Variants in USH2A observed in about 807,000 individuals in gnomAD.
The protein encoded by USH2A is Usher syndrome 2A (autosomal recessive, mild).
In USH2A, 443 loss-of-function variants were observed where a neutral mutation model predicts 538.9. That is an observed-to-expected ratio of 0.82 (90% CI 0.76 to 0.89). The LOEUF is 0.89. Ranked by LOEUF, USH2A falls within the 40% of genes least tolerant of loss-of-function variation. The pLI, the probability that USH2A is intolerant of heterozygous loss-of-function variation, is 0.00. For synonymous variants in USH2A, 2,413 were observed against 2,273.5 expected, an observed-to-expected ratio of 1.06 and a Z score of -1.75; for missense variants, 6,633 against 6,324.8, an observed-to-expected ratio of 1.05 and a Z score of -1.65.
chr1:215,986,359 C>A (rs1484151750), intron 35 of USH2A, among the ~76,000 whole-genome samples: 2 of 140,194 alleles, frequency 1.4e-5, no homozygotes, highest in Non-Finnish European at 3.0e-5. Context: ...GTTTCCTAGG[C>A]TGGTCTTGAA....
At chr1:215,836,525 A>ATT (rs71581111) in intron 47 of USH2A, among the ~76,000 whole-genome samples, 2 of 28,542 alleles carry the variant, frequency 7.0e-5, no homozygotes, top group African/African-American at 2.3e-4. Flanking sequence ...TATAATATAT[A>ATT]TTATATATAT....
intron 21 of USH2A, among the ~76,000 whole-genome samples, chr1:216,169,233 A>G (rs1014952164): frequency 4.6e-5 from 7 of 152,156 alleles, no homozygotes; most frequent in African/African-American, 1.7e-4. Flanking sequence ...ACAGTGATGG[A>G]CAAAAACAGA....
chr1:215,640,038 G>T (rs1447888192), intron 68 of USH2A, among the ~76,000 whole-genome samples: 4 of 152,162 alleles, frequency 2.6e-5, no homozygotes, highest in African/African-American at 9.7e-5. Context: ...AAAGGGACAT[G>T]TAAGTAAACA....
rs552113546 is a variant in USH2A, at chr1:215,788,956, G to A, written c.10182+1103C>T. Among the ~76,000 whole-genome samples, 14 of 83,212 alleles carry A rather than the reference G, an allele frequency of 1.7e-4. No homozygotes were observed. In the South Asian group the frequency reaches 2.5e-3, roughly 15 times the overall value. The allele number at this position is 83,212 out of a possible 152,430, so 54.6% of individuals were successfully genotyped here. A position where few individuals can be genotyped will look rare whatever the true frequency, so the allele number is the denominator to read the frequency against. ...CAAAACAAAACAAAACAAAAAAACA[G>A]GGGAATCAACACAGGAAAGAGGTAA... On this transcript the variant is annotated intron_variant, in intron 51 of 71. Coordinates refer to ENST00000307340, the MANE Select transcript of USH2A (RefSeq NM_206933.4).
intron 9 of USH2A, among the ~76,000 whole-genome samples, chr1:216,315,114 G>T (rs1340890589): frequency 6.6e-6 from 1 of 152,118 alleles, no homozygotes; most frequent in African/African-American, 2.4e-5. Flanking sequence ...ATAAGAAAAA[G>T]AAGTAATAAA....
intron 35 of USH2A, among the ~76,000 whole-genome samples, chr1:215,990,952 G>T (rs550264051): frequency 1.5e-4 from 23 of 151,796 alleles, no homozygotes; most frequent in Admixed American, 1.4e-3. Flanking sequence ...TAGTAGAGAC[G>T]GAGTTTCGCT....
intron 3 of USH2A, among the ~76,000 whole-genome samples, chr1:216,389,656 T>A (rs2039066855): frequency 6.6e-6 from 1 of 152,160 alleles, no homozygotes; most frequent in Non-Finnish European, 1.5e-5. Flanking sequence ...CTATAAAGAT[T>A]TACAGCTAAT....
intron 3 of USH2A, among the ~76,000 whole-genome samples, chr1:216,384,353 T>C (rs983152193): frequency 6.6e-6 from 1 of 152,066 alleles, no homozygotes; most frequent in Non-Finnish European, 1.5e-5. Context: ...AATAAGCCTA[T>C]GTAAGGTAAG....
At chr1:215,744,060 G>A (rs1439616374) in intron 58 of USH2A, among the ~76,000 whole-genome samples, 1 of 151,958 alleles carries the variant, frequency 6.6e-6, no homozygotes, top group African/African-American at 2.4e-5. Flanking sequence ...ATTTTTTCTA[G>A]GTTTACTTAC....
Position 215,817,382 on chromosome 1 carries a change from G to A in USH2A, c.9372-187C>T, listed in dbSNP as rs181091489. On this transcript the variant is annotated intron_variant, in intron 47 of 71. Transcript: ENST00000307340. ...AGCTTTTGGAAGAATAACACATGGCGTGAGGTGGTTTATTACTTTCAGTTT... is the reference window on the plus strand; with the variant it reads ...AGCTTTTGGAAGAATAACACATGGCATGAGGTGGTTTATTACTTTCAGTTT... Among the ~76,000 whole-genome samples the A allele has an allele frequency of 5.7e-4, 87 of 151,918 alleles. No homozygotes were observed. The East Asian group carries it at 8.1e-3, about 14-fold the overall frequency.
intron 44 of USH2A, among the ~76,000 whole-genome samples, chr1:215,847,472 C>G (rs1458516103): frequency 1.3e-5 from 2 of 151,790 alleles, no homozygotes; most frequent in Admixed American, 6.6e-5. Flanking sequence ...TGGCAATACC[C>G]CATCTCTACA....
chr1:216,195,601 T>C (rs940999980), intron 19 of USH2A: 1 of 151,668 alleles, frequency 6.6e-6, no homozygotes, highest in East Asian at 1.9e-4. Flanking sequence ...AATATGGCAG[T>C]GGCTTGGAAA....
At chr1:215,987,415 G>A (rs776933001) in intron 35 of USH2A, among the ~76,000 whole-genome samples, 1 of 152,176 alleles carries the variant, frequency 6.6e-6, no homozygotes, top group Non-Finnish European at 1.5e-5. Flanking sequence ...CCTAAAAGTC[G>A]CTCTTTTCAG....
chr1:215,685,091 T>A (rs1658371639), intron 61 of USH2A, among the ~76,000 whole-genome samples: 1 of 152,082 alleles, frequency 6.6e-6, no homozygotes, highest in South Asian at 2.1e-4. Context: ...GAGCTCCCAT[T>A]AACTGTTATC....
Position 216,084,863 on chromosome 1 carries a change from CT to C in USH2A, c.5001del (p.Gly1668ValfsTer12), listed in dbSNP as rs397518018. 6.2e-7 allele frequency: 1 copy of C among 1,613,094 alleles called. No homozygotes were observed. On this transcript the variant is annotated frameshift_variant, in exon 25 of 72. Coordinates refer to ENST00000307340, the MANE Select transcript of USH2A (RefSeq NM_206933.4). LOFTEE classifies it high-confidence loss of function. The stretch of plus-strand genomic sequence containing the variant: ...ACATCCTTGAGACAGCCCACAAAAC[CT>C]TTTTGGATTATCTCTGCAGGAGTTT... Reference protein sequence around the residue: ...ILRKDPEIIQKGFVGCLKDVH... With the variant: ...ILRKDPEIIQXGFVGCLKDVH...
In USH2A at chr1:216,410,403, T is replaced by A. The variant is rs145308592; in HGVS notation, c.651+8111A>T. On this transcript the variant is annotated intron_variant, in intron 3 of 71. Coordinates refer to ENST00000307340, the MANE Select transcript of USH2A (RefSeq NM_206933.4). ...TCTATCATAAAGACGCATGCACATG[T>A]ATATTCGTTGCAGCACTGTTCACAA... is the stretch of plus-strand genomic sequence containing the variant. Among the ~76,000 whole-genome samples, 5 of 152,208 alleles carry A rather than the reference T, an allele frequency of 3.3e-5. No individual in the cohort carries two copies. The East Asian group carries it at 7.7e-4, about 24-fold the overall frequency.
rs566707670 is a variant in USH2A at position 216,090,029 on chromosome 1, C to A, written c.4759-890G>T. On this transcript the variant is annotated intron_variant, in intron 22 of 71. Coordinates refer to ENST00000307340, the MANE Select transcript of USH2A (RefSeq NM_206933.4). ...TTAAATAAAAATAAAAAAGAAATTACAACTTCTAAATGGGAATGAATTTTC... is the reference window on the plus strand; with the variant it reads ...TTAAATAAAAATAAAAAAGAAATTAAAACTTCTAAATGGGAATGAATTTTC... Among the ~76,000 whole-genome samples, 5 of 151,952 alleles carry A rather than the reference C, an allele frequency of 3.3e-5. 1 individual carries two copies. The South Asian group carries it at 1.0e-3, about 32-fold the overall frequency.
At chr1:216,220,549 T>TA (rs976886700) in intron 14 of USH2A, among the ~76,000 whole-genome samples, 6 of 150,532 alleles carry the variant, frequency 4.0e-5, no homozygotes, top group South Asian at 4.2e-4. Flanking sequence ...GGCTGAACGT[T>TA]AAAAGATGAG....
At chr1:216,005,834 G>A (rs1668378121) in intron 32 of USH2A, among the ~76,000 whole-genome samples, 1 of 151,934 alleles carries the variant, frequency 6.6e-6, no homozygotes, top group Non-Finnish European at 1.5e-5. Context: ...TGTTAACAAT[G>A]TTTTTCTGAG....
Sources: gnomAD v4.1 joint callset for allele counts (sites outside exome capture counted in the v4.1 genomes callset) on GRCh38, gnomAD v4.1.1 for gene constraint, MANE v1.5 for transcripts, NCBI Gene and HGNC (gene_info 2026-07-23, HGNC 2026-07-21) for gene names.